RUFY3: variants seen among roughly 807,000 people sequenced by gnomAD.
RUFY3 encodes the protein protein RUFY3.
RUFY3 carries 34 observed loss-of-function variants against 84.0 expected under a neutral mutation model. That is an observed-to-expected ratio of 0.40 (90% CI 0.31 to 0.54). RUFY3 has a LOEUF of 0.54. RUFY3 is among the 20% of genes least tolerant of loss of function. The probability of loss-of-function intolerance (pLI) is 0.39; values close to 1 mark genes in which losing one functional copy is unlikely to be tolerated. For synonymous variants in RUFY3, 242 were observed against 252.9 expected, an observed-to-expected ratio of 0.96 and a Z score of 0.41; for missense variants, 507 against 736.8, an observed-to-expected ratio of 0.69 and a Z score of 3.61.
intron 12 of RUFY3, chr4:70,791,934 G>A (rs6816866): frequency 0.02 from 19,245 of 984,446 alleles, 233 homozygotes; most frequent in Middle Eastern, 0.049. Context: ...AGAAAAAGCA[G>A]CATCCTTATA....
At chr4:70,753,815 GC>G (rs879845495) in intron 1 of RUFY3, among the ~76,000 whole-genome samples, 2 of 152,028 alleles carry the variant, frequency 1.3e-5, no homozygotes, top group Admixed American at 1.3e-4. Flanking sequence ...TTATGAATGT[GC>G]ATGGTTTCCA....
chr4:70,790,191 C>T (rs1213961712), intron 12 of RUFY3: 1 of 152,352 alleles, frequency 6.6e-6, no homozygotes, highest in Non-Finnish European at 1.5e-5. Flanking sequence ...CTATCTTCCA[C>T]CAGTATCTAC....
rs538247860 is a variant in RUFY3, at chr4:70,793,168, T to C, written c.1338-617T>C. ...CCCAGTGCTGAGTTCTTTGTCCACT[T>C]AGTCACACATCTTTTGTGGGAATGG... On this transcript the variant is annotated intron_variant, in intron 12 of 17. Transcript: ENST00000381006. 83 of 986,054 alleles carry C rather than the reference T, an allele frequency of 8.4e-5. No homozygotes were observed. The African/African-American group carries it at 1.3e-3, about 16-fold the overall frequency. 61.1% of individuals were successfully genotyped at this position (986,054 alleles called of 1,614,324 possible).
Position 70,788,807 on chromosome 4 carries a change from A to G in RUFY3, c.1073A>G (p.Asp358Gly), listed in dbSNP as rs772851352. Residue 358 changes from aspartate (D) to glycine (G), a missense_variant and splice_region_variant, in exon 11 of 18, where the codon GAT becomes GGT. Around this residue, in one of 4 missense-constraint regions of RUFY3, gnomAD observed 334 missense variants for 364.1 expected, o/e 0.92. Coordinates refer to ENST00000381006, the MANE Select transcript of RUFY3 (RefSeq NM_001037442.4). ...CAATTTACTTACCTTTGGGGGCAGG[A>G]TGTTGAGAAAGAACTGGAGATGCAG... ...HLKEETQLRL[D>G]VEKELEMQIS... 6.2e-7 allele frequency: 1 copy of G among 1,613,854 alleles called. No homozygotes were observed. Among genetic ancestry groups the G allele is most frequent in the Admixed American group, 1.7e-5 (1 of 59,998 alleles).
At chr4:70,735,485 AT>A (rs1417423417) in intron 1 of RUFY3, among the ~76,000 whole-genome samples, 1 of 152,166 alleles carries the variant, frequency 6.6e-6, no homozygotes, top group African/African-American at 2.4e-5. Context: ...GTAATTATAT[AT>A]TTTTCATCAT....
At chr4:70,728,536 G>A (rs772026577) in intron 1 of RUFY3, among the ~76,000 whole-genome samples, 5 of 152,180 alleles carry the variant, frequency 3.3e-5, no homozygotes, top group Non-Finnish European at 7.3e-5. Flanking sequence ...CTAAAAGACA[G>A]CAGTAGTATC....
At chr4:70,778,533 C>T in intron 8 of RUFY3, 95 bp downstream of exon 8, 5 of 542,692 alleles carry the variant, frequency 9.2e-6, no homozygotes, top group Non-Finnish European at 1.7e-5. Flanking sequence ...AAGAACTTGA[C>T]TTTTCAAATA....
chr4:70,778,574 T>C, intron 8 of RUFY3, 136 bp downstream of exon 8: 1 of 99,628 alleles, frequency 1.0e-5, no homozygotes, highest in Non-Finnish European at 2.0e-5. Flanking sequence ...CTTCTTATTC[T>C]TTTTTTTTTT....
intron 9 of RUFY3, among the ~76,000 whole-genome samples, chr4:70,783,789 T>A (rs964035589): frequency 6.6e-6 from 1 of 152,240 alleles, no homozygotes; most frequent in African/African-American, 2.4e-5. Context: ...CTATTGAAAT[T>A]GATAGAGCTT....
chr4:70,781,311 C>T (rs1728878475), intron 8 of RUFY3, among the ~76,000 whole-genome samples: 1 of 152,004 alleles, frequency 6.6e-6, no homozygotes, highest in South Asian at 2.1e-4. Context: ...TAGTGAGACC[C>T]CATCTCTACA....
intron 1 of RUFY3, among the ~76,000 whole-genome samples, chr4:70,710,881 G>A (rs983916163): frequency 6.6e-6 from 1 of 150,992 alleles, no homozygotes; most frequent in African/African-American, 2.4e-5. Context: ...TGGCCAACAT[G>A]GTGAAACCCC....
intron 10 of RUFY3, among the ~76,000 whole-genome samples, chr4:70,788,191 A>G (rs1283322053): frequency 6.6e-6 from 1 of 151,888 alleles, no homozygotes; most frequent in Non-Finnish European, 1.5e-5. Flanking sequence ...AGGCTGAGGC[A>G]GGAGAATCGC....
intron 1 of RUFY3, among the ~76,000 whole-genome samples, chr4:70,712,778 C>T (rs1741128635): frequency 6.6e-6 from 1 of 152,064 alleles, no homozygotes; most frequent in African/African-American, 2.4e-5. Context: ...AATGGGCTGC[C>T]CCTTTATCAT....
intron 13 of RUFY3, 142 bp downstream of exon 13, chr4:70,794,046 T>A: frequency 4.6e-6 from 4 of 872,950 alleles, no homozygotes; most frequent in Non-Finnish European, 6.9e-6. Context: ...TTCAGAAAGC[T>A]TCACGTACTT....
chr4:70,776,277 T>TAAA (rs1279309637), intron 7 of RUFY3, among the ~76,000 whole-genome samples: 3 of 152,192 alleles, frequency 2.0e-5, no homozygotes, highest in African/African-American at 7.2e-5. Flanking sequence ...ACTTTAACAA[T>TAAA]AGACTATAAT....
chr4:70,728,447 A>T (rs1577972062), intron 1 of RUFY3, among the ~76,000 whole-genome samples: 1 of 152,296 alleles, frequency 6.6e-6, no homozygotes, highest in Admixed American at 6.5e-5. Flanking sequence ...AACACATATC[A>T]CTTTCTCATC....
chr4:70,793,477 A>AT (rs1156947639), intron 12 of RUFY3: 132 of 1,167,890 alleles, frequency 1.1e-4, no homozygotes, highest in Non-Finnish European at 1.3e-4. Flanking sequence ...TTGGATATGG[A>AT]TTTTCTAAAA....
chr4:70,758,836 A>C (rs978752475), intron 1 of RUFY3, among the ~76,000 whole-genome samples: 6 of 151,956 alleles, frequency 3.9e-5, no homozygotes, highest in Non-Finnish European at 8.8e-5. Context: ...TCAGGAGATC[A>C]AGACCATCCT....
chr4:70,808,509 G>GAGTT lies in RUFY3; in HGVS notation c.*1852_*1855dup, dbSNP rs924423360. On this transcript the variant is annotated 3_prime_UTR_variant, in exon 18 of 18. Coordinates refer to ENST00000381006, the MANE Select transcript of RUFY3 (RefSeq NM_001037442.4). The stretch of plus-strand genomic sequence containing the variant: ...TTTAATAAATTCTGTCTCTTGGAAA[G>GAGTT]AGTTAACAACAGCCTGGGAAAGAGT... Among the ~76,000 whole-genome samples, 167 of 151,896 alleles carry GAGTT rather than the reference G, an allele frequency of 1.1e-3. No homozygotes were observed. The highest frequency in any genetic ancestry group is 3.9e-3 in the African/African-American group (160 of 41,532).
Sources: allele counts gnomAD v4.1 joint callset (sites outside exome capture counted in the v4.1 genomes callset), GRCh38; gene constraint gnomAD v4.1.1; regional missense constraint gnomAD v4.1.1; transcripts MANE v1.5; gene names NCBI Gene and HGNC (gene_info 2026-07-23, HGNC 2026-07-21).